WARS1: variants seen among roughly 807,000 people sequenced by gnomAD.
WARS1 encodes the protein tryptophan--tRNA ligase, cytoplasmic.
Under a neutral mutation model 47.8 loss-of-function variants are expected in WARS1, and 17 were observed. The observed-to-expected ratio is 0.36, with a 90% CI of 0.24 to 0.53. The LOEUF is 0.53. WARS1 is among the 20% of genes least tolerant of loss of function. The pLI is 0.91. For synonymous variants in WARS1, 208 were observed against 228.1 expected (o/e 0.91, Z 0.79); for missense variants, 434 against 608.0 (o/e 0.71, Z 3.01).
intron 8 of WARS1, among the ~76,000 whole-genome samples, chr14:100,342,968 G>C (rs796575345): frequency 6.6e-6 from 1 of 151,970 alleles, no homozygotes; most frequent in African/African-American, 2.4e-5. Flanking sequence ...ATGCGCTCTC[G>C]CTGCAACCTC....
chr14:100,354,317 G>A (rs1895177220), intron 5 of WARS1, 130 bp downstream of exon 5: 1 of 1,382,304 alleles, frequency 7.2e-7, no homozygotes, highest in African/African-American at 1.4e-5. Context: ...AGCCAAAAAA[G>A]TGCCAACTCT....
In WARS1 at chr14:100,368,820, G is replaced by A. The variant is rs147592339; in HGVS notation, c.99+267C>T. On this transcript the variant is annotated intron_variant, in intron 2 of 10. Transcript: ENST00000392882. Reference sequence around the variant, plus strand: ...CTACTAAAAATACAAAATTAGCTGGGTGTGGTGGTGCATGCCTGTAATCCC... The same window carrying A: ...CTACTAAAAATACAAAATTAGCTGGATGTGGTGGTGCATGCCTGTAATCCC... 1.2e-4 allele frequency among the ~76,000 whole-genome samples: 18 copies of A among 152,284 alleles called. 1 individual carries two copies. Among genetic ancestry groups the A allele is most frequent in the African/African-American group, 4.1e-4 (17 of 41,568 alleles).
At chr14:100,371,836 G>A (rs10149438) in intron 1 of WARS1, among the ~76,000 whole-genome samples, 104,899 of 151,950 alleles carry the variant, frequency 0.69, 37,392 homozygotes, top group Admixed American at 0.81. Flanking sequence ...GATTGCTTGA[G>A]CTCAGGAGTT....
intron 4 of WARS1, among the ~76,000 whole-genome samples, chr14:100,356,678 A>C (rs960888072): frequency 6.6e-6 from 1 of 152,202 alleles, no homozygotes; most frequent in Non-Finnish European, 1.5e-5. Context: ...AGAAAAGCCC[A>C]AAACCCCATT....
chr14:100,351,324 G>C (rs1894963506), intron 6 of WARS1, among the ~76,000 whole-genome samples: 1 of 151,994 alleles, frequency 6.6e-6, no homozygotes, highest in African/African-American at 2.4e-5. Context: ...TGTATGGAAT[G>C]GGGTGAGAAT....
intron 9 of WARS1, 30 bp from the exon 10 acceptor site, chr14:100,337,232 C>T: frequency 1.9e-6 from 3 of 1,603,186 alleles, no homozygotes; most frequent in East Asian, 2.2e-5. Flanking sequence ...AGACACGCTC[C>T]TCAGTCCTGC....
chr14:100,344,364 C>A (rs1017297923), intron 7 of WARS1, among the ~76,000 whole-genome samples: 1 of 152,206 alleles, frequency 6.6e-6, no homozygotes, highest in Admixed American at 6.5e-5. Context: ...GGATTGCAGA[C>A]GGAGTCTGGT....
chr14:100,374,793 C>T (rs905438592), intron 1 of WARS1: 3 of 151,002 alleles, frequency 2.0e-5, no homozygotes, highest in African/African-American at 7.3e-5. Context: ...CTGGCAAGTT[C>T]CCAGAGGACA....
rs758171698 is a variant in WARS1 at position 100,353,791 on chromosome 14, G to T, written c.621C>A (p.Thr207=). The T allele has an allele frequency of 1.2e-6, 2 of 1,614,102 alleles. No individual in the cohort carries two copies. Among genetic ancestry groups the T allele is most frequent in the Middle Eastern group, 1.6e-4 (1 of 6,062 alleles). Residue 207 remains threonine, a synonymous_variant, in exon 6 of 11, where the codon ACC becomes ACA. Coordinates refer to ENST00000392882, the MANE Select transcript of WARS1 (RefSeq NM_004184.4). ...CAGCATAGCTATAGGCCTGGTCCAG[G>T]GTCAGGTCCTTCCACAGATACTTCT... ...DDEKYLWKDL[T]LDQAYSYAVE... is the part of the protein sequence containing the mutation.
At chr14:100,367,276 T>C (rs1032638551) in intron 2 of WARS1, among the ~76,000 whole-genome samples, 2 of 152,016 alleles carry the variant, frequency 1.3e-5, no homozygotes, top group African/African-American at 4.8e-5. Context: ...TTTCTGAGAA[T>C]TAACGGCCAT....
intron 2 of WARS1, among the ~76,000 whole-genome samples, chr14:100,362,190 T>C (rs954924155): frequency 2.6e-5 from 4 of 152,218 alleles, no homozygotes; most frequent in African/African-American, 7.2e-5. Context: ...AGTGCTACCA[T>C]GAACACTTTG....
chr14:100,336,063 C>T (rs772537580), intron 10 of WARS1, among the ~76,000 whole-genome samples: 3 of 151,450 alleles, frequency 2.0e-5, no homozygotes, highest in Non-Finnish European at 4.4e-5. Flanking sequence ...ATCACGAGGT[C>T]GGGAGGTCGA....
chr14:100,347,876 C>A (rs1894729586), intron 6 of WARS1, among the ~76,000 whole-genome samples: 2 of 152,182 alleles, frequency 1.3e-5, no homozygotes, highest in African/African-American at 4.8e-5. Flanking sequence ...CGCGCCCAGC[C>A]AAGTGGCTTC....
At chr14:100,347,471 G>A (rs1353765234) in intron 6 of WARS1, among the ~76,000 whole-genome samples, 3 of 152,186 alleles carry the variant, frequency 2.0e-5, no homozygotes, top group Non-Finnish European at 4.4e-5. Flanking sequence ...TGAGGGGTGT[G>A]GGTACCAGGC....
intron 1 of WARS1, among the ~76,000 whole-genome samples, chr14:100,370,900 G>A (rs760753341): frequency 1.3e-5 from 2 of 152,028 alleles, no homozygotes; most frequent in Non-Finnish European, 2.9e-5. Flanking sequence ...CTACGTTTGC[G>A]CCACTGTACT....
At chr14:100,365,974 G>A (rs909934104) in intron 2 of WARS1, 5 of 455,348 alleles carry the variant, frequency 1.1e-5, no homozygotes, top group South Asian at 6.2e-5. Context: ...GCAGGAAAGC[G>A]GGTTATGAAA....
intron 2 of WARS1, chr14:100,366,577 C>A: frequency 1.5e-6 from 1 of 662,616 alleles, no homozygotes. Context: ...CCATTAAGAT[C>A]TCAGAGAGAG....
At chr14:100,340,917 C>CT (rs71113263) in intron 9 of WARS1, among the ~76,000 whole-genome samples, 52,595 of 137,182 alleles carry the variant, frequency 0.38, 12,225 homozygotes, top group South Asian at 0.69. Context: ...TTTTTCTTTT[C>CT]TTTTTTTTTT....
At chr14:100,345,409 A>G (rs1261050799) in intron 7 of WARS1, among the ~76,000 whole-genome samples, 1 of 152,202 alleles carries the variant, frequency 6.6e-6, no homozygotes, top group African/African-American at 2.4e-5. Context: ...ACTCAGGGTT[A>G]AATGGATTAA....
Sources: gnomAD v4.1 joint callset for allele counts (sites outside exome capture counted in the v4.1 genomes callset) on GRCh38, gnomAD v4.1.1 for gene constraint, MANE v1.5 for transcripts, NCBI Gene and HGNC (gene_info 2026-07-23, HGNC 2026-07-21) for gene names.